HMGB1: variants seen among roughly 807,000 people sequenced by gnomAD.
HMGB1 encodes the protein high mobility group protein B1.
For synonymous variants in HMGB1, 81 were observed against 84.0 expected (o/e 0.96, Z 0.19); for missense variants, 79 against 253.5 (o/e 0.31, Z 4.67).
chr13:30,607,010 G>T (rs1246156574), intron 1 of HMGB1, among the ~76,000 whole-genome samples: 1 of 151,318 alleles, frequency 6.6e-6, no homozygotes, highest in Non-Finnish European at 1.5e-5. Flanking sequence ...TTCACTTATT[G>T]AACTTCTTTT....
chr13:30,568,027 C>T (rs1437396467), intron 1 of HMGB1, among the ~76,000 whole-genome samples: 1 of 152,166 alleles, frequency 6.6e-6, no homozygotes, highest in African/African-American at 2.4e-5. Flanking sequence ...AACATACGGG[C>T]AGTGAAGCTC....
chr13:30,472,322 C>A (rs1182629553), intron 1 of HMGB1, among the ~76,000 whole-genome samples: 1 of 152,126 alleles, frequency 6.6e-6, no homozygotes, highest in Non-Finnish European at 1.5e-5. Flanking sequence ...CATGCAAGGC[C>A]AGGCACAGTG....
At chr13:30,518,304 T>C (rs1888146719) in intron 1 of HMGB1, among the ~76,000 whole-genome samples, 1 of 152,240 alleles carries the variant, frequency 6.6e-6, no homozygotes, top group Non-Finnish European at 1.5e-5. Context: ...GCTACTGTAC[T>C]CCAGCCTGGA....
At chr13:30,493,344 T>G (rs1459474148) in intron 1 of HMGB1, among the ~76,000 whole-genome samples, 1 of 152,210 alleles carries the variant, frequency 6.6e-6, no homozygotes, top group Non-Finnish European at 1.5e-5. Context: ...AAACTACATA[T>G]TATATGTTTT....
intron 1 of HMGB1, chr13:30,464,286 T>C: frequency 1.0e-6 from 1 of 985,522 alleles, no homozygotes; most frequent in Non-Finnish European, 1.2e-6. Flanking sequence ...GGCAGCCTCG[T>C]TTCCTATCGG....
rs183640997 is a variant in HMGB1, at chr13:30,539,040, G to T, written c.-14-75346C>A. On this transcript the variant is annotated intron_variant, in intron 1 of 4. Coordinates refer to the HMGB1 transcript ENST00000405805. ...GCCTCCCTAGTAGCTGGGATTACAG[G>T]TGCCTGCCACCATGCCCAGCTAATT... 3.6e-3 allele frequency among the ~76,000 whole-genome samples: 552 copies of T among 152,178 alleles called. 3 individuals carry two copies. The highest frequency in any genetic ancestry group is 6.3e-3 in the Non-Finnish European group (427 of 68,008).
chr13:30,557,897 T>C (rs1246957201), intron 1 of HMGB1, among the ~76,000 whole-genome samples: 3 of 152,206 alleles, frequency 2.0e-5, no homozygotes, highest in Admixed American at 1.3e-4. Context: ...ATCAATTCGG[T>C]ATGTGTTCAT....
chr13:30,537,689 A>ATATATT (rs1437994319), intron 1 of HMGB1, among the ~76,000 whole-genome samples: 1 of 119,344 alleles, frequency 8.4e-6, no homozygotes, highest in East Asian at 2.3e-4. Context: ...ATATATATAT[A>ATATATT]TATATATAAA....
At chr13:30,608,393 G>C (rs1010617334) in intron 1 of HMGB1, among the ~76,000 whole-genome samples, 1 of 151,904 alleles carries the variant, frequency 6.6e-6, no homozygotes, top group Admixed American at 6.6e-5. Context: ...ACAGCAACCC[G>C]ATGCAAAGTA....
At chr13:30,551,988 C>T (rs1869448784) in intron 1 of HMGB1, among the ~76,000 whole-genome samples, 2 of 152,144 alleles carry the variant, frequency 1.3e-5, no homozygotes. Flanking sequence ...GCCACTGCAC[C>T]TGGCCAATCG....
At chr13:30,609,409 C>A (rs1371566729) in intron 1 of HMGB1, among the ~76,000 whole-genome samples, 1 of 152,224 alleles carries the variant, frequency 6.6e-6, no homozygotes, top group Non-Finnish European at 1.5e-5. Flanking sequence ...GCAGTTTTAA[C>A]AAGTTCCCAA....
intron 1 of HMGB1, among the ~76,000 whole-genome samples, chr13:30,531,136 G>T (rs1300559362): frequency 6.6e-6 from 1 of 152,192 alleles, no homozygotes; most frequent in Non-Finnish European, 1.5e-5. Context: ...TCTTTGGGTA[G>T]TGGGACTGAA....
At chr13:30,549,928 G>A (rs1023760063) in intron 1 of HMGB1, among the ~76,000 whole-genome samples, 22 of 152,106 alleles carry the variant, frequency 1.4e-4, no homozygotes, top group Middle Eastern at 3.4e-3. Flanking sequence ...TGTTGGCCAG[G>A]CTGGTCTGGA....
At chr13:30,478,335 C>T (rs937234431) in intron 1 of HMGB1, among the ~76,000 whole-genome samples, 5 of 151,932 alleles carry the variant, frequency 3.3e-5, no homozygotes, top group Non-Finnish European at 5.9e-5. Context: ...CAGAGTGAGA[C>T]CCTGTCTCTA....
chr13:30,586,490 T>G (rs868637721), intron 1 of HMGB1, among the ~76,000 whole-genome samples: 2,274 of 142,374 alleles, frequency 0.016, 57 homozygotes, highest in African/African-American at 0.038. Context: ...TTTTTTTTTT[T>G]TTTTTTTTTT....
intron 1 of HMGB1, among the ~76,000 whole-genome samples, chr13:30,551,355 T>C (rs1169053566): frequency 6.6e-6 from 1 of 152,160 alleles, no homozygotes; most frequent in Non-Finnish European, 1.5e-5. Flanking sequence ...ACTCACTGAG[T>C]ATAGGGGATT....
chr13:30,570,530 G>A (rs904073938), intron 1 of HMGB1, among the ~76,000 whole-genome samples: 5 of 152,158 alleles, frequency 3.3e-5, no homozygotes, highest in Non-Finnish European at 5.9e-5. Context: ...GCATCCACAC[G>A]CTGACACATA....
At chr13:30,481,829 T>C (rs974934246) in intron 1 of HMGB1, among the ~76,000 whole-genome samples, 2 of 151,882 alleles carry the variant, frequency 1.3e-5, no homozygotes, top group Non-Finnish European at 2.9e-5. Context: ...ATGTAGGTAT[T>C]CTTAAGTCTT....
intron 1 of HMGB1, among the ~76,000 whole-genome samples, chr13:30,512,493 C>T (rs1400784624): frequency 6.6e-6 from 1 of 152,222 alleles, no homozygotes; most frequent in Non-Finnish European, 1.5e-5. Context: ...CAATGCCCTT[C>T]AGTAGTTTGA....
Sources: allele counts gnomAD v4.1 joint callset (sites outside exome capture counted in the v4.1 genomes callset), GRCh38; gene constraint gnomAD v4.1.1; transcripts MANE v1.5; gene names NCBI Gene and HGNC (gene_info 2026-07-23, HGNC 2026-07-21).